The following LCTL variants were observed in gnomAD, a reference collection of about 807,000 sequenced individuals.
LCTL encodes the protein lactase-like protein.
Under a neutral mutation model 75.8 loss-of-function variants are expected in LCTL, and 76 were observed. That is an observed-to-expected ratio of 1.00 (90% CI 0.83 to 1.21). LCTL has a LOEUF of 1.21. Ranked by LOEUF, LCTL falls within the 50% of genes most tolerant of loss-of-function variation. LCTL has a pLI of 0.00. For missense variants in LCTL, 670 were observed against 712.4 expected, an observed-to-expected ratio of 0.94 and a Z score of 0.68; for synonymous variants, 271 against 268.8, an observed-to-expected ratio of 1.01 and a Z score of -0.08.
intron 4 of LCTL, among the ~76,000 whole-genome samples, chr15:66,561,884 T>A (rs1895897327): frequency 6.6e-6 from 1 of 152,062 alleles, no homozygotes; most frequent in South Asian, 2.1e-4. Flanking sequence ...CAGTTCCCAG[T>A]CATCTTAGCT....
At chr15:66,552,685 A>C (rs1182296101) in intron 9 of LCTL, among the ~76,000 whole-genome samples, 2 of 142,598 alleles carry the variant, frequency 1.4e-5, no homozygotes, top group African/African-American at 2.5e-5. Flanking sequence ...AAAAAAAAAA[A>C]AAAACATTGT....
intron 6 of LCTL, among the ~76,000 whole-genome samples, chr15:66,559,829 A>G (rs1301704542): frequency 1.3e-5 from 2 of 152,198 alleles, no homozygotes; most frequent in Non-Finnish European, 2.9e-5. Flanking sequence ...GCGCATGCCT[A>G]CAATCTCAGC....
chr15:66,562,605 A>G (rs1275534372), intron 4 of LCTL, among the ~76,000 whole-genome samples: 2 of 148,492 alleles, frequency 1.3e-5, no homozygotes, highest in African/African-American at 2.5e-5. Flanking sequence ...TTTTTTTTAG[A>G]CGGAATTTCA....
exon 9 of LCTL, chr15:66,553,236 G>A (rs1895657028): frequency 6.3e-7 from 1 of 1,583,022 alleles, no homozygotes; most frequent in Non-Finnish European, 8.6e-7. Flanking sequence ...ACATCTCCAG[G>A]CCTTGCTCTG....
chr15:66,563,927 C>T (rs758343581), exon 3 of LCTL: 3 of 1,613,932 alleles, frequency 1.9e-6, no homozygotes, highest in Non-Finnish European at 2.5e-6. Flanking sequence ...TGCCTGTGGG[C>T]AGGAGCCGGG....
intron 8 of LCTL, among the ~76,000 whole-genome samples, chr15:66,554,548 T>G (rs1253511330): frequency 6.6e-6 from 1 of 152,228 alleles, no homozygotes; most frequent in Non-Finnish European, 1.5e-5. Context: ...CTTTGTCCCA[T>G]CTTTCAAAGT....
chr15:66,548,600 AG>A lies in LCTL; in HGVS notation c.1593del (p.Leu532CysfsTer2). 6.4e-7 allele frequency: 1 copy of A among 1,570,176 alleles called. No individual in the cohort carries two copies. The highest frequency in any genetic ancestry group is 8.8e-7 in the Non-Finnish European group (1 of 1,140,110). On this transcript the variant is annotated frameshift_variant, in exon 13 of 13. Transcript: ENST00000341509. LOFTEE classifies it low-confidence loss of function (END_TRUNC). ...GTAACCATTTGCATGTGACTTAGCA[AG>A]GGCTCTGAAATGACAAAGAGAACGA...
chr15:66,564,651 A>G (rs1895977487), intron 2 of LCTL, 25 bp downstream of exon 3: 11 of 1,607,348 alleles, frequency 6.8e-6, no homozygotes, highest in South Asian at 3.3e-5. Context: ...GCGCGCACAC[A>G]CACACACTCA....
chr15:66,551,779 A>G (rs1895609819), exon 11 of LCTL: 1 of 1,613,802 alleles, frequency 6.2e-7, no homozygotes, highest in East Asian at 2.2e-5. Context: ...ATCCATATCT[A>G]TCTGAGTATC....
At chr15:66,557,465 G>C (rs1895766028) in intron 8 of LCTL, among the ~76,000 whole-genome samples, 1 of 152,038 alleles carries the variant, frequency 6.6e-6, no homozygotes, top group Non-Finnish European at 1.5e-5. Context: ...CAGAACATAA[G>C]AGAGACCAGC....
chr15:66,563,971 G>T (rs866215011), exon 3 of LCTL: 1 of 1,613,992 alleles, frequency 6.2e-7, no homozygotes, highest in African/African-American at 1.3e-5. Flanking sequence ...TGGTTGACGT[G>T]CAGTTCCCTC....
chr15:66,563,734 C>T, intron 3 of LCTL, 109 bp from the exon 5 acceptor site: 1 of 897,018 alleles, frequency 1.1e-6, no homozygotes. Context: ...GCCTGAGGCA[C>T]CCTCAGCCCA....
At position 66,557,705 on chromosome 15, in the gene LCTL, A is replaced by G. The variant is rs1895770876; in HGVS notation, c.922+17T>C. 6.2e-7 allele frequency: 1 copy of G among 1,608,220 alleles called. No individual in the cohort carries two copies. The highest frequency in any genetic ancestry group is 8.5e-7 in the Non-Finnish European group (1 of 1,176,040). On this transcript the variant is annotated intron_variant, in intron 8 of 12. Coordinates refer to ENST00000341509, the Ensembl canonical transcript of LCTL. Reference sequence around the variant, plus strand: ...ACTTGCCCTAGTATCTGCAGTTTAAAATGAGACTGGGCTCACCAATGTAGT... The same window carrying G: ...ACTTGCCCTAGTATCTGCAGTTTAAGATGAGACTGGGCTCACCAATGTAGT...
intron 6 of LCTL, among the ~76,000 whole-genome samples, chr15:66,560,066 G>A (rs2140848059): frequency 6.6e-6 from 1 of 151,994 alleles, no homozygotes; most frequent in East Asian, 1.9e-4. Context: ...CATCCTGGGT[G>A]ACAGAGCAAG....
exon 4 of LCTL, chr15:66,563,586 T>C: frequency 2.5e-6 from 4 of 1,612,612 alleles, no homozygotes; most frequent in Non-Finnish European, 3.4e-6. Flanking sequence ...ATCGATAAGA[T>C]CACTGTAGAA....
intron 8 of LCTL, 111 bp downstream of exon 9, chr15:66,557,611 G>T: frequency 9.5e-7 from 1 of 1,056,168 alleles, no homozygotes; most frequent in Non-Finnish European, 1.4e-6. Context: ...ATTATCCCTT[G>T]AGTACCTCAC....
At chr15:66,554,459 C>CA (rs2140839321) in intron 8 of LCTL, among the ~76,000 whole-genome samples, 1 of 152,026 alleles carries the variant, frequency 6.6e-6, no homozygotes, top group South Asian at 2.1e-4. Flanking sequence ...AACTCCATCT[C>CA]AAAAAATAAA....
rs112451067 is a variant in LCTL, at chr15:66,550,196, A to G, written c.1525-92T>C. The stretch of plus-strand genomic sequence containing the variant: ...TGAAATAAATGTGGGGTAAAAGTAA[A>G]TATTTTTTAAAATCTATCTGTAGTT... On this transcript the variant is annotated intron_variant, in intron 11 of 12. Transcript: ENST00000341509. 8.2e-4 allele frequency: 591 copies of G among 722,300 alleles called. 3 individuals carry two copies. The African/African-American group carries it at 9.7e-3, about 12-fold the overall frequency. 44.7% of individuals were successfully genotyped at this position (722,300 alleles called of 1,614,324 possible).
At chr15:66,563,754 T>C in intron 3 of LCTL, 129 bp from the exon 5 acceptor site, 1 of 851,150 alleles carries the variant, frequency 1.2e-6, no homozygotes, top group South Asian at 1.6e-5. Flanking sequence ...ACCAGCATTC[T>C]GGGAGCCCAG....
Sources: gnomAD v4.1 joint callset for allele counts (sites outside exome capture counted in the v4.1 genomes callset) on GRCh38, gnomAD v4.1.1 for gene constraint, MANE v1.5 for transcripts, NCBI Gene and HGNC (gene_info 2026-07-23, HGNC 2026-07-21) for gene names.